The following FBXL17 variants were observed in gnomAD, a reference collection of about 807,000 sequenced individuals.
The protein encoded by FBXL17 is F-box/LRR-repeat protein 17.
A neutral mutation model predicts 66.2 loss-of-function variants in FBXL17; 22 were observed. The ratio of observed to expected loss-of-function variants is 0.33; its 90% CI spans 0.24 to 0.47. The LOEUF is 0.47. FBXL17 is among the 20% of genes least tolerant of loss of function. The pLI is 1.00. For missense variants in FBXL17, 878 were observed against 948.2 expected (o/e 0.93, Z 0.97); for synonymous variants, 474 against 400.5 (o/e 1.18, Z -2.19).
chr5:108,189,453 G>A lies in FBXL17; in HGVS notation c.1615-3206C>T, dbSNP rs578058414. 3.0e-4 allele frequency among the ~76,000 whole-genome samples: 46 copies of A among 152,198 alleles called. No individual in the cohort carries two copies. The East Asian group carries it at 6.6e-3, about 22-fold the overall frequency. On this transcript the variant is annotated intron_variant, in intron 5 of 8. Coordinates refer to ENST00000542267, the MANE Select transcript of FBXL17 (RefSeq NM_001163315.3). ...GAGGACGGAAAATAATAGTCTGAAAGCAGCTATGCAGAGCAAAGAGGATCT... is the reference window on the plus strand; with the variant it reads ...GAGGACGGAAAATAATAGTCTGAAAACAGCTATGCAGAGCAAAGAGGATCT...
intron 7 of FBXL17, among the ~76,000 whole-genome samples, chr5:107,886,915 C>CAA (rs33943440): frequency 0.068 from 8,818 of 129,560 alleles, 295 homozygotes; most frequent in African/African-American, 0.095. Context: ...TAATGAAATA[C>CAA]AAAAAAAAAA....
intron 7 of FBXL17, among the ~76,000 whole-genome samples, chr5:107,948,266 CTATCA>C (rs1318447754): frequency 6.6e-6 from 1 of 152,076 alleles, no homozygotes; most frequent in African/African-American, 2.4e-5. Flanking sequence ...GAGTATTTAC[CTATCA>C]TAACCATGTA....
At chr5:107,946,277 ATATATATATATAT>A (rs1751286206) in intron 7 of FBXL17, among the ~76,000 whole-genome samples, 1 of 57,526 alleles carries the variant, frequency 1.7e-5, no homozygotes, top group Non-Finnish European at 3.5e-5. Flanking sequence ...ATATATATAT[ATATATATATATAT>A]ATATATATAT....
intron 6 of FBXL17, among the ~76,000 whole-genome samples, chr5:108,152,972 C>G (rs1024978262): frequency 2.6e-5 from 4 of 152,142 alleles, no homozygotes; most frequent in African/African-American, 4.8e-5. Context: ...GAGGGCAAGT[C>G]TTTCCCATGC....
intron 3 of FBXL17, among the ~76,000 whole-genome samples, chr5:108,358,810 T>C (rs189262688): frequency 3.9e-5 from 6 of 152,244 alleles, no homozygotes; most frequent in Non-Finnish European, 8.8e-5. Flanking sequence ...GCTATGGTCC[T>C]TAGTCTTTCT....
chr5:108,068,737 G>A (rs1195610300), intron 6 of FBXL17, among the ~76,000 whole-genome samples: 2 of 152,124 alleles, frequency 1.3e-5, no homozygotes, highest in South Asian at 2.1e-4. Flanking sequence ...GATTACAGGC[G>A]TGAGCCACTG....
intron 7 of FBXL17, among the ~76,000 whole-genome samples, chr5:107,898,340 C>T (rs931589720): frequency 9.9e-5 from 15 of 152,068 alleles, no homozygotes; most frequent in African/African-American, 3.6e-4. Flanking sequence ...CTTACCTGTA[C>T]TCCACCTCTT....
At chr5:107,916,646 A>G (rs1045883300) in intron 7 of FBXL17, among the ~76,000 whole-genome samples, 2 of 152,216 alleles carry the variant, frequency 1.3e-5, no homozygotes, top group African/African-American at 4.8e-5. Context: ...CACAGGCTAT[A>G]CAAATATATT....
At chr5:108,104,618 C>T (rs761977137) in intron 6 of FBXL17, among the ~76,000 whole-genome samples, 6 of 151,952 alleles carry the variant, frequency 3.9e-5, no homozygotes, top group African/African-American at 9.7e-5. Context: ...TTTAATTGGA[C>T]GAGTAAGACT....
At chr5:108,290,802 C>A (rs10041907) in intron 4 of FBXL17, among the ~76,000 whole-genome samples, 64,150 of 151,902 alleles carry the variant, frequency 0.42, 14,335 homozygotes, top group Non-Finnish European at 0.5. Context: ...GTTGTTATTG[C>A]AAATAATGTT....
At chr5:108,345,793 A>G (rs1747239734) in intron 4 of FBXL17, among the ~76,000 whole-genome samples, 1 of 152,092 alleles carries the variant, frequency 6.6e-6, no homozygotes, top group Non-Finnish European at 1.5e-5. Context: ...ATATGAAAAG[A>G]TGTATGTATA....
At chr5:107,877,012 A>G (rs1417333227) in intron 8 of FBXL17, among the ~76,000 whole-genome samples, 2 of 152,326 alleles carry the variant, frequency 1.3e-5, no homozygotes, top group South Asian at 2.1e-4. Flanking sequence ...AAGCCTTTGA[A>G]CAGTCTTTAA....
chr5:107,904,297 C>T (rs1024796400), intron 7 of FBXL17, among the ~76,000 whole-genome samples: 2 of 152,114 alleles, frequency 1.3e-5, no homozygotes, highest in African/African-American at 4.8e-5. Flanking sequence ...CCACTGGCCT[C>T]CAAGTTCAAA....
At chr5:108,213,723 G>C (rs930660149) in intron 5 of FBXL17, among the ~76,000 whole-genome samples, 1 of 152,138 alleles carries the variant, frequency 6.6e-6, no homozygotes, top group East Asian at 1.9e-4. Flanking sequence ...GACCAGAGCT[G>C]TTCCTATTCA....
At chr5:108,009,270 T>G (rs55885013) in intron 7 of FBXL17, among the ~76,000 whole-genome samples, 2 of 41,156 alleles carry the variant, frequency 4.9e-5, no homozygotes, top group Admixed American at 3.0e-4. Context: ...TTTATATATA[T>G]ATATATATAT....
At chr5:108,097,554 G>T (rs1402911154) in intron 6 of FBXL17, among the ~76,000 whole-genome samples, 1 of 151,862 alleles carries the variant, frequency 6.6e-6, no homozygotes, top group African/African-American at 2.4e-5. Context: ...ACTTTGGGAG[G>T]TGGGGGTGGG....
intron 7 of FBXL17, among the ~76,000 whole-genome samples, chr5:107,982,301 C>G (rs1160554391): frequency 4.6e-5 from 7 of 150,684 alleles, no homozygotes; most frequent in African/African-American, 1.7e-4. Flanking sequence ...CAGTACTGGG[C>G]CATCAATATT....
At chr5:108,008,517 G>A (rs1169286930) in intron 7 of FBXL17, among the ~76,000 whole-genome samples, 1 of 152,026 alleles carries the variant, frequency 6.6e-6, no homozygotes, top group African/African-American at 2.4e-5. Context: ...CCTTATTGCT[G>A]TTCAACATTG....
chr5:108,154,689 A>G (rs1287052770), intron 6 of FBXL17, among the ~76,000 whole-genome samples: 15 of 145,650 alleles, frequency 1.0e-4, no homozygotes, highest in Admixed American at 9.7e-4. Flanking sequence ...ATATACACAT[A>G]TATATGTATA....
Sources: allele counts gnomAD v4.1 joint callset (sites outside exome capture counted in the v4.1 genomes callset), GRCh38; gene constraint gnomAD v4.1.1; transcripts MANE v1.5; gene names NCBI Gene and HGNC (gene_info 2026-07-23, HGNC 2026-07-21).